The following MAGI2 variants were observed in gnomAD, a reference collection of about 807,000 sequenced individuals.
MAGI2 encodes membrane-associated guanylate kinase, WW and PDZ domain-containing protein 2.
A neutral mutation model predicts 133.3 loss-of-function variants in MAGI2; 35 were observed. The ratio of observed to expected loss-of-function variants is 0.26; its 90% CI spans 0.20 to 0.35. The LOEUF (loss-of-function observed/expected upper bound fraction) is 0.35. Ranked by LOEUF, MAGI2 falls within the 10% of genes least tolerant of loss-of-function variation. The pLI, the probability that MAGI2 is intolerant of heterozygous loss-of-function variation, is 1.00. For synonymous variants in MAGI2, 729 were observed against 710.6 expected, an observed-to-expected ratio of 1.03 and a Z score of -0.41; for missense variants, 1,636 against 1,863.4, an observed-to-expected ratio of 0.88 and a Z score of 2.25.
At chr7:78,855,929 T>G (rs1793596920) in intron 2 of MAGI2, among the ~76,000 whole-genome samples, 2 of 152,218 alleles carry the variant, frequency 1.3e-5, no homozygotes, top group Non-Finnish European at 2.9e-5. Flanking sequence ...GTTTCCTGAC[T>G]TTTCAATGAT....
chr7:78,726,010 T>C (rs1820769459), intron 2 of MAGI2, among the ~76,000 whole-genome samples: 1 of 152,158 alleles, frequency 6.6e-6, no homozygotes, highest in African/African-American at 2.4e-5. Context: ...AAATGTTAAA[T>C]TGAATGTTTA....
chr7:78,576,777 T>C (rs1802310922), intron 3 of MAGI2, among the ~76,000 whole-genome samples: 1 of 152,166 alleles, frequency 6.6e-6, no homozygotes, highest in South Asian at 2.1e-4. Flanking sequence ...TGGGTCTCCA[T>C]TTCTGAAGTC....
At chr7:78,262,684 A>G (rs1424354354) in intron 9 of MAGI2, among the ~76,000 whole-genome samples, 2 of 152,170 alleles carry the variant, frequency 1.3e-5, no homozygotes, top group African/African-American at 4.8e-5. Context: ...AGATTTACAC[A>G]TATTCAACTA....
At chr7:78,859,910 C>A (rs1159946003) in intron 2 of MAGI2, among the ~76,000 whole-genome samples, 2 of 152,096 alleles carry the variant, frequency 1.3e-5, no homozygotes. Context: ...TCACCTAGTC[C>A]CATATTTCTT....
At chr7:78,281,316 ACATGTCAAGGGAGAGAT>A (rs1316040607) in intron 9 of MAGI2, among the ~76,000 whole-genome samples, 2 of 151,202 alleles carry the variant, frequency 1.3e-5, no homozygotes, top group Non-Finnish European at 2.9e-5. Flanking sequence ...CATAATCCCC[ACATGTCAAGGGAGAGAT>A]CAGGTGGATG....
chr7:78,059,481 A>G (rs986674484), intron 21 of MAGI2, among the ~76,000 whole-genome samples: 2 of 152,154 alleles, frequency 1.3e-5, no homozygotes, highest in African/African-American at 2.4e-5. Context: ...TGCTCTAGAT[A>G]TATCATTTGC....
chr7:78,742,626 T>G (rs1355611058), intron 2 of MAGI2, among the ~76,000 whole-genome samples: 1 of 152,172 alleles, frequency 6.6e-6, no homozygotes. Context: ...TGAATGAAGA[T>G]GTAAAGATGT....
intron 2 of MAGI2, among the ~76,000 whole-genome samples, chr7:78,789,121 A>T (rs1006008062): frequency 3.9e-5 from 6 of 152,148 alleles, no homozygotes; most frequent in African/African-American, 4.8e-5. Flanking sequence ...TTCCATTTTT[A>T]AAAAATATAT....
chr7:78,278,888 A>G (rs951027862), intron 9 of MAGI2, among the ~76,000 whole-genome samples: 3 of 152,178 alleles, frequency 2.0e-5, no homozygotes, highest in African/African-American at 7.2e-5. Context: ...AGCACTAGCT[A>G]TACAGAGACC....
At chr7:79,413,767 C>T (rs1846301120) in intron 1 of MAGI2, 1 of 152,168 alleles carries the variant, frequency 6.6e-6, no homozygotes, top group East Asian at 1.9e-4. Context: ...ACCTGCCCTA[C>T]CGTTCCTCAG....
At chr7:78,552,479 G>A (rs1799435066) in intron 3 of MAGI2, among the ~76,000 whole-genome samples, 2 of 152,130 alleles carry the variant, frequency 1.3e-5, no homozygotes, top group African/African-American at 2.4e-5. Context: ...CACTGCGCCC[G>A]ACTATTTTCC....
chr7:78,893,005 T>C (rs1285091083), intron 2 of MAGI2, among the ~76,000 whole-genome samples: 6 of 151,992 alleles, frequency 3.9e-5, no homozygotes, highest in African/African-American at 1.2e-4. Flanking sequence ...ATATCCAGAA[T>C]CTACAATGAA....
intron 1 of MAGI2, among the ~76,000 whole-genome samples, chr7:79,127,517 T>C (rs1489507891): frequency 6.6e-6 from 1 of 152,150 alleles, no homozygotes; most frequent in Non-Finnish European, 1.5e-5. Context: ...TGGTATCTCA[T>C]TGTGGTTTTG....
At chr7:79,075,870 C>T (rs907380571) in intron 1 of MAGI2, among the ~76,000 whole-genome samples, 2 of 152,108 alleles carry the variant, frequency 1.3e-5, no homozygotes, top group Non-Finnish European at 2.9e-5. Context: ...AACAACACCA[C>T]ATAAATTGTT....
Position 79,420,686 on chromosome 7 carries a change from A to T in MAGI2, c.301+32334T>A, listed in dbSNP as rs1846893453. Among the ~76,000 whole-genome samples, 3 of 152,112 alleles carry T rather than the reference A, an allele frequency of 2.0e-5. No homozygotes were observed. In the South Asian group the frequency reaches 6.2e-4, roughly 32 times the overall value. On this transcript the variant is annotated intron_variant, in intron 1 of 21. Coordinates refer to ENST00000354212, the MANE Select transcript of MAGI2 (RefSeq NM_012301.4). ...CAACGGAGCTGACACTTTATTTTGC[A>T]TCTACGCCACCAAGATTACATCATC...
intron 2 of MAGI2, among the ~76,000 whole-genome samples, chr7:78,721,910 A>G (rs954439362): frequency 2.6e-5 from 4 of 152,076 alleles, no homozygotes; most frequent in African/African-American, 9.6e-5. Context: ...CAAAGAACTG[A>G]CATAAACAAC....
intron 1 of MAGI2, among the ~76,000 whole-genome samples, chr7:79,371,061 T>A (rs1046226710): frequency 3.0e-4 from 45 of 152,120 alleles, no homozygotes; most frequent in African/African-American, 1.0e-3. Flanking sequence ...TTTCTACCAA[T>A]GTCTAATGAT....
chr7:78,944,228 CT>C (rs1483120006), intron 2 of MAGI2, among the ~76,000 whole-genome samples: 1 of 152,186 alleles, frequency 6.6e-6, no homozygotes, highest in Admixed American at 6.5e-5. Context: ...AATGATCCCC[CT>C]GACTCTGTTC....
chr7:78,666,015 A>T (rs944905093), intron 2 of MAGI2, among the ~76,000 whole-genome samples: 2 of 152,140 alleles, frequency 1.3e-5, no homozygotes, highest in Non-Finnish European at 2.9e-5. Context: ...CAGTTAGAGA[A>T]AGTATGAGGC....
Sources: allele counts gnomAD v4.1 joint callset (sites outside exome capture counted in the v4.1 genomes callset), GRCh38; gene constraint gnomAD v4.1.1; transcripts MANE v1.5; gene names NCBI Gene and HGNC (gene_info 2026-07-23, HGNC 2026-07-21).